The following PCDH19 variants were observed in gnomAD, a reference collection of about 807,000 sequenced individuals.
PCDH19 encodes the protein protocadherin-19.
PCDH19 carries 6 observed loss-of-function variants against 46.2 expected under a neutral mutation model. The observed-to-expected ratio is 0.13, with a 90% CI of 0.07 to 0.26. PCDH19 has a LOEUF of 0.26. PCDH19 is among the 10% of genes least tolerant of loss of function. The pLI is 1.00. For synonymous variants in PCDH19, 481 were observed against 415.7 expected (o/e 1.16, Z -1.91); for missense variants, 740 against 972.3 (o/e 0.76, Z 3.18).
intron 5 of PCDH19, among the ~76,000 whole-genome samples, chrX:100,303,152 C>T (rs1361862755): frequency 9.0e-6 from 1 of 110,816 alleles, no homozygotes; most frequent in Non-Finnish European, 1.9e-5. Context: ...AATACATTTG[C>T]CATAGACCTG....
At chrX:100,338,898 C>T (rs1351105683) in intron 5 of PCDH19, among the ~76,000 whole-genome samples, 1 of 112,214 alleles carries the variant, frequency 8.9e-6, no homozygotes, top group South Asian at 3.7e-4. Context: ...GAAAAACTAA[C>T]AGATGCACAA....
chrX:100,303,793 C>T (rs1192978736), intron 5 of PCDH19, among the ~76,000 whole-genome samples: 1 of 111,374 alleles, frequency 9.0e-6, no homozygotes, highest in Non-Finnish European at 1.9e-5. Flanking sequence ...TCTTTTTGTT[C>T]TCCCGTTCCC....
chrX:100,330,572 A>G (rs924627740), intron 5 of PCDH19, among the ~76,000 whole-genome samples: 12 of 112,420 alleles, frequency 1.1e-4, no homozygotes, highest in Admixed American at 2.8e-4. Context: ...AAGCAACATT[A>G]TAAGTTGTAT....
chrX:100,363,713 T>C (rs1229443490), intron 3 of PCDH19, among the ~76,000 whole-genome samples: 1 of 100,143 alleles, frequency 1.0e-5, no homozygotes, highest in Non-Finnish European at 2.0e-5. Context: ...ATTTATTTTA[T>C]ATATAATATA....
chrX:100,404,453 C>T (rs745356255), intron 1 of PCDH19, among the ~76,000 whole-genome samples: 1 of 111,639 alleles, frequency 9.0e-6, no homozygotes, highest in Non-Finnish European at 1.9e-5. Context: ...TTGGCAATGC[C>T]CCATCAAATT....
chrX:100,319,671 C>A (rs553207018), intron 5 of PCDH19, among the ~76,000 whole-genome samples: 1 of 112,065 alleles, frequency 8.9e-6, no homozygotes, highest in South Asian at 3.8e-4. Flanking sequence ...CTAAAAGACA[C>A]TAAAGGCAAA....
intron 5 of PCDH19, among the ~76,000 whole-genome samples, chrX:100,300,642 G>C (rs985876454): frequency 9.0e-6 from 1 of 111,560 alleles, no homozygotes; most frequent in African/African-American, 3.3e-5. Flanking sequence ...CTCATGATGA[G>C]GGTTGACTGA....
rs775408951 is a variant in PCDH19 at position 100,408,208 on chromosome X, C to T, written c.390G>A (p.Pro130=). ...KDLNDNAPSF[P]AAQIELEISE... ...AGATCTCCAGCTCGATCTGTGCTGC[C>T]GGGAAACTGGGCGCATTGTCGTTCA... The change falls in exon 1 of 6, where the codon CCG becomes CCA. Residue 130 remains proline (P), a synonymous_variant. Transcript: ENST00000373034. The T allele has an allele frequency of 9.1e-6, 11 of 1,212,130 alleles. No individual in the cohort carries two copies. Among genetic ancestry groups the T allele is most frequent in the Admixed American group, 2.2e-5 (1 of 46,121 alleles).
intron 5 of PCDH19, among the ~76,000 whole-genome samples, chrX:100,303,985 C>T (rs1443570869): frequency 8.9e-6 from 1 of 112,181 alleles, no homozygotes; most frequent in Non-Finnish European, 1.9e-5. Flanking sequence ...AAAATTTCCA[C>T]ATTTTTCATT....
At chrX:100,324,638 C>A (rs770710605) in intron 5 of PCDH19, among the ~76,000 whole-genome samples, 1 of 112,047 alleles carries the variant, frequency 8.9e-6, no homozygotes, top group Non-Finnish European at 1.9e-5. Context: ...TATTAAAGAA[C>A]GCCAAGTAAA....
chrX:100,409,395 G>A lies in PCDH19; in HGVS notation c.-798C>T, dbSNP rs923081429. The A allele has an allele frequency of 1.8e-5, 2 of 112,606 alleles. No homozygotes were observed. The highest frequency in any genetic ancestry group is 3.7e-5 in the Non-Finnish European group (2 of 53,445). 9.3% of individuals were successfully genotyped at this position (112,606 alleles called of 1,213,427 possible). On this transcript the variant is annotated 5_prime_UTR_variant, in exon 1 of 6. Transcript: ENST00000373034. ...CTAAGGCTGGCTTCGAAGGGCTTGG[G>A]GGCGCGTCTGTCCAGGATCCGAGGT...
chrX:100,360,748 C>T (rs778789740), intron 3 of PCDH19, among the ~76,000 whole-genome samples: 1 of 111,779 alleles, frequency 8.9e-6, no homozygotes, highest in African/African-American at 3.2e-5. Context: ...GAAGGAAACC[C>T]ACAGGAGCCT....
At chrX:100,353,766 A>G (rs1440705899) in intron 3 of PCDH19, among the ~76,000 whole-genome samples, 1 of 111,970 alleles carries the variant, frequency 8.9e-6, no homozygotes, top group Non-Finnish European at 1.9e-5. Context: ...CTCCAAAAGG[A>G]ATAAACCACC....
At chrX:100,399,398 C>T (rs1928114108) in intron 3 of PCDH19, among the ~76,000 whole-genome samples, 1 of 111,625 alleles carries the variant, frequency 9.0e-6, no homozygotes. Flanking sequence ...TTGCAAATCA[C>T]CTATTTACTT....
intron 4 of PCDH19, among the ~76,000 whole-genome samples, chrX:100,349,152 A>T (rs1040980489): frequency 8.9e-6 from 1 of 111,738 alleles, no homozygotes; most frequent in Non-Finnish European, 1.9e-5. Context: ...GGGTAAGGCA[A>T]GTCACTGTTT....
intron 3 of PCDH19, among the ~76,000 whole-genome samples, chrX:100,351,561 G>T (rs139387465): frequency 3.6e-5 from 4 of 111,949 alleles, no homozygotes; most frequent in African/African-American, 1.3e-4. Context: ...TAGTAAAGTG[G>T]ATCTCGCCCC....
chrX:100,350,799 AGAAGCAGTGAGTGAATTG>A, intron 3 of PCDH19, 95 bp from the exon 4 acceptor site: 2 of 589,465 alleles, frequency 3.4e-6, no homozygotes, highest in Non-Finnish European at 5.8e-6. Flanking sequence ...TTCTGGGTCA[AGAAGCAGTGAGTGAATTG>A]GAACCCAAGG....
At chrX:100,362,634 A>T (rs1042033446) in intron 3 of PCDH19, among the ~76,000 whole-genome samples, 1 of 107,666 alleles carries the variant, frequency 9.3e-6, no homozygotes, top group Non-Finnish European at 1.9e-5. Context: ...TCTACTAAAA[A>T]TACAAAAAAA....
Position 100,295,699 on chromosome X carries a change from G to A in PCDH19, c.*578C>T, listed in dbSNP as rs1924573699. On this transcript the variant is annotated 3_prime_UTR_variant, in exon 6 of 6. Coordinates refer to ENST00000373034, the MANE Select transcript of PCDH19 (RefSeq NM_001184880.2). ...ATTTGCAATATCAAATACAACAATAGCACAGCTAGCAAAAGGGTTTTTAAA... is the reference window on the plus strand; with the variant it reads ...ATTTGCAATATCAAATACAACAATAACACAGCTAGCAAAAGGGTTTTTAAA... 3.5e-5 allele frequency: 4 copies of A among 112,685 alleles called. No individual in the cohort carries two copies. Among genetic ancestry groups the A allele is most frequent in the African/African-American group, 1.3e-4 (4 of 30,731 alleles). The allele number at this position is 112,685 out of a possible 1,213,427, so 9.3% of individuals were successfully genotyped here.
Sources: gnomAD v4.1 joint callset for allele counts (sites outside exome capture counted in the v4.1 genomes callset) on GRCh38, gnomAD v4.1.1 for gene constraint, MANE v1.5 for transcripts, NCBI Gene and HGNC (gene_info 2026-07-23, HGNC 2026-07-21) for gene names.